The following MMP16 variants were observed in gnomAD, a reference collection of about 807,000 sequenced individuals.
MMP16 encodes the protein matrix metalloproteinase-16.
MMP16 carries 12 observed loss-of-function variants against 67.8 expected under a neutral mutation model. The ratio of observed to expected loss-of-function variants is 0.18; its 90% CI spans 0.11 to 0.29. The LOEUF is 0.29. Among genes scored for constraint, MMP16 ranks in the 10% least tolerant of loss-of-function variants. MMP16 has a pLI of 1.00. For missense variants in MMP16, 475 were observed against 765.7 expected, an observed-to-expected ratio of 0.62 and a Z score of 4.48; for synonymous variants, 249 against 255.9, an observed-to-expected ratio of 0.97 and a Z score of 0.26.
At chr8:88,088,042 A>AGATAT (rs1563527946) in intron 6 of MMP16, among the ~76,000 whole-genome samples, 1 of 143,428 alleles carries the variant, frequency 7.0e-6, no homozygotes, top group Non-Finnish European at 1.5e-5. Context: ...ATAGATATAT[A>AGATAT]GATATCTATT....
In MMP16 at chr8:88,171,412, C is replaced by T. The variant is rs1234167154; in HGVS notation, c.405-3439G>A. 2.6e-5 allele frequency among the ~76,000 whole-genome samples: 4 copies of T among 152,262 alleles called. No homozygotes were observed. In the East Asian group the frequency reaches 7.7e-4, roughly 29 times the overall value. Reference sequence around the variant, plus strand: ...TGGGCCTAGGTTGAATCTGGGAAGTCAGTGCCCAGTTTCACATATGAAGGG... The same window carrying T: ...TGGGCCTAGGTTGAATCTGGGAAGTTAGTGCCCAGTTTCACATATGAAGGG... On this transcript the variant is annotated intron_variant, in intron 3 of 9. Transcript: ENST00000286614.
At position 88,197,163 on chromosome 8, in the gene MMP16, T is replaced by C. The variant is rs141062852; in HGVS notation, c.276A>G (p.Thr92=). The change falls in exon 2 of 10, where the codon ACA becomes ACG. Residue 92 remains threonine (T), a synonymous_variant. Transcript: ENST00000286614. ...INMTGKVDRN[T]IDWMKKPRCG... Reference sequence around the variant, plus strand: ...GGATGGGAGCCATTACTTACTCAATTGTGTTTCTGTCCACTTTTCCTGTCA... The same window carrying C: ...GGATGGGAGCCATTACTTACTCAATCGTGTTTCTGTCCACTTTTCCTGTCA... 3.1e-6 allele frequency: 5 copies of C among 1,609,194 alleles called. No individual in the cohort carries two copies. In the African/African-American group the frequency reaches 5.4e-5, roughly 17 times the overall value.
chr8:88,158,120 C>T (rs1235439800), intron 4 of MMP16, among the ~76,000 whole-genome samples: 3 of 152,036 alleles, frequency 2.0e-5, no homozygotes, highest in African/African-American at 4.8e-5. Context: ...TGAATAGTGC[C>T]ACAATAAACA....
At position 88,327,104 on chromosome 8, in the gene MMP16, A is replaced by G. The variant is rs1293332514; in HGVS notation, c.103T>C (p.Cys35Arg). 1 of 1,613,906 alleles carries G rather than the reference A, an allele frequency of 6.2e-7. No individual in the cohort carries two copies. Among genetic ancestry groups the G allele is most frequent in the Admixed American group, 1.7e-5 (1 of 59,998 alleles). The change falls in exon 1 of 10, where the codon TGC becomes CGC. Residue 35 changes from cysteine (C) to arginine (R), a missense_variant. Transcript: ENST00000286614. ...TLLWILCATV[C>R]GTEQYFNVEV... ...ACATTGAAATACTGCTCCGTTCCGC[A>G]GACTGTAGCACATAAAATCCAAAGC...
At chr8:88,283,174 G>A (rs1193210113) in intron 1 of MMP16, among the ~76,000 whole-genome samples, 1 of 152,036 alleles carries the variant, frequency 6.6e-6, no homozygotes, top group Non-Finnish European at 1.5e-5. Context: ...CTTTAACATA[G>A]TTACATTGAT....
chr8:88,251,518 T>TA (rs1471371882), intron 1 of MMP16, among the ~76,000 whole-genome samples: 1 of 134,536 alleles, frequency 7.4e-6, no homozygotes, highest in African/African-American at 3.1e-5. Flanking sequence ...ACTTAAACGT[T>TA]AGACCTAAAA....
At chr8:88,321,298 G>A (rs965022907) in intron 1 of MMP16, among the ~76,000 whole-genome samples, 2 of 152,036 alleles carry the variant, frequency 1.3e-5, no homozygotes, top group Non-Finnish European at 2.9e-5. Context: ...CATATACAGA[G>A]AGACAGATTT....
In MMP16 at chr8:88,319,277, A is replaced by G. The variant is rs146642984; in HGVS notation, c.132+7798T>C. On this transcript the variant is annotated intron_variant, in intron 1 of 9. Transcript: ENST00000286614. ...TTTCTATGTTTGTTCTCAATTTTAT[A>G]TAAACCATCAAGTATACATTTGTTT... Among the ~76,000 whole-genome samples the G allele has an allele frequency of 2.0e-5, 3 of 152,258 alleles. No homozygotes were observed. In the East Asian group the frequency reaches 5.8e-4, roughly 29 times the overall value.
chr8:88,097,970 C>T (rs546657393), intron 6 of MMP16, among the ~76,000 whole-genome samples: 24 of 151,930 alleles, frequency 1.6e-4, no homozygotes, highest in Admixed American at 5.9e-4. Flanking sequence ...TTGACACCAA[C>T]GGCGAGGAGT....
chr8:88,242,043 G>T (rs1810042488), intron 1 of MMP16, among the ~76,000 whole-genome samples: 1 of 152,040 alleles, frequency 6.6e-6, no homozygotes, highest in Admixed American at 6.6e-5. Context: ...TTTAAATGAG[G>T]TATTAGGAAA....
At chr8:88,274,846 C>A (rs1810620077) in intron 1 of MMP16, among the ~76,000 whole-genome samples, 1 of 151,936 alleles carries the variant, frequency 6.6e-6, no homozygotes, top group Non-Finnish European at 1.5e-5. Context: ...GACATCACTA[C>A]CAAGAACATT....
At position 88,277,186 on chromosome 8, in the gene MMP16, T is replaced by C. The variant is rs922833112; in HGVS notation, c.132+49889A>G. ...TTCAACTTTTACATATTAATTGTTA[T>C]TTCCATTTCAAAACATTTGGAATTC... is the stretch of plus-strand genomic sequence containing the variant. On this transcript the variant is annotated intron_variant, in intron 1 of 9. Coordinates refer to ENST00000286614, the MANE Select transcript of MMP16 (RefSeq NM_005941.5). 5.9e-5 allele frequency among the ~76,000 whole-genome samples: 9 copies of C among 152,208 alleles called. No individual in the cohort carries two copies. The East Asian group carries it at 1.5e-3, about 26-fold the overall frequency.
At position 88,040,372 on chromosome 8, in the gene MMP16, T is replaced by G. The variant is rs140778407; in HGVS notation, c.*1089A>C. 6.5e-6 allele frequency: 1 copy of G among 152,714 alleles called. No individual in the cohort carries two copies. Among genetic ancestry groups the G allele is most frequent in the Non-Finnish European group, 1.5e-5 (1 of 68,026 alleles). The allele number at this position is 152,714 out of a possible 1,614,324, so 9.5% of individuals were successfully genotyped here. On this transcript the variant is annotated 3_prime_UTR_variant, in exon 10 of 10. Coordinates refer to ENST00000286614, the MANE Select transcript of MMP16 (RefSeq NM_005941.5). ...CTTGAACTTGTGACTGTTTTTACCA[T>G]TGCCCAGTTCTATAATTTATCAGAT...
At chr8:88,208,817 GCAA>G (rs1563562787) in intron 1 of MMP16, among the ~76,000 whole-genome samples, 1 of 13,874 alleles carries the variant, frequency 7.2e-5, no homozygotes, top group Admixed American at 7.6e-4. Context: ...TGTAGATATG[GCAA>G]AAAAAAAAAA....
At chr8:88,272,074 T>G (rs1810572649) in intron 1 of MMP16, among the ~76,000 whole-genome samples, 1 of 152,152 alleles carries the variant, frequency 6.6e-6, no homozygotes, top group Non-Finnish European at 1.5e-5. Flanking sequence ...ATTAATAACA[T>G]AGTTAATGGC....
chr8:88,220,883 C>A (rs899216498), intron 1 of MMP16, among the ~76,000 whole-genome samples: 6 of 152,070 alleles, frequency 3.9e-5, no homozygotes, highest in Non-Finnish European at 7.4e-5. Flanking sequence ...ATATGTATTT[C>A]TGTTGCTCCC....
chr8:88,198,344 A>G (rs1340924612), intron 1 of MMP16, among the ~76,000 whole-genome samples: 1 of 152,080 alleles, frequency 6.6e-6, no homozygotes, highest in Non-Finnish European at 1.5e-5. Context: ...TCTCAAATTG[A>G]TAAGGGCCAA....
At chr8:88,143,823 A>G (rs1808249785) in intron 4 of MMP16, among the ~76,000 whole-genome samples, 1 of 152,024 alleles carries the variant, frequency 6.6e-6, no homozygotes, top group African/African-American at 2.4e-5. Context: ...ACTGATTTCA[A>G]TATTAGTAAA....
At chr8:88,300,530 T>TAAC (rs1236617881) in intron 1 of MMP16, among the ~76,000 whole-genome samples, 1 of 152,228 alleles carries the variant, frequency 6.6e-6, no homozygotes, top group East Asian at 1.9e-4. Context: ...CGTTGTGAGA[T>TAAC]AACAGTGCTT....
Sources: allele counts gnomAD v4.1 joint callset (sites outside exome capture counted in the v4.1 genomes callset), GRCh38; gene constraint gnomAD v4.1.1; transcripts MANE v1.5; gene names NCBI Gene and HGNC (gene_info 2026-07-23, HGNC 2026-07-21).